The following MSI2 variants were observed in gnomAD, a reference collection of about 807,000 sequenced individuals.
MSI2 encodes the protein RNA-binding protein Musashi homolog 2.
A neutral mutation model predicts 45.6 loss-of-function variants in MSI2; 17 were observed. That is an observed-to-expected ratio of 0.37 (90% CI 0.26 to 0.56). The LOEUF is 0.56. MSI2 is among the 20% of genes least tolerant of loss of function. The probability of loss-of-function intolerance (pLI) is 0.77; values close to 1 mark genes in which losing one functional copy is unlikely to be tolerated. For missense variants in MSI2, 293 were observed against 444.2 expected, an observed-to-expected ratio of 0.66 and a Z score of 3.06; for synonymous variants, 156 against 158.2, an observed-to-expected ratio of 0.99 and a Z score of 0.11.
intron 11 of MSI2, among the ~76,000 whole-genome samples, chr17:57,655,118 A>G (rs1034618929): frequency 6.6e-6 from 1 of 151,936 alleles, no homozygotes; most frequent in African/African-American, 2.4e-5. Flanking sequence ...CCTCTGGGCC[A>G]GCCTGCCCAC....
chr17:57,632,273 C>G, intron 10 of MSI2: 1 of 1,078,890 alleles, frequency 9.3e-7, no homozygotes, highest in South Asian at 4.4e-5. Flanking sequence ...TTGGAGCACC[C>G]GTGTCTTACG....
chr17:57,285,413 G>A (rs999016348), intron 5 of MSI2, among the ~76,000 whole-genome samples: 1 of 152,222 alleles, frequency 6.6e-6, no homozygotes, highest in Non-Finnish European at 1.5e-5. Flanking sequence ...GCTGGGGGCT[G>A]GCTGCTGCTG....
At chr17:57,473,758 G>A (rs2085485346) in intron 6 of MSI2, among the ~76,000 whole-genome samples, 2 of 152,176 alleles carry the variant, frequency 1.3e-5, no homozygotes, top group South Asian at 4.1e-4. Context: ...GTCTGGACAG[G>A]TGCCGAGGGA....
At chr17:57,371,442 C>T (rs1236107331) in intron 5 of MSI2, among the ~76,000 whole-genome samples, 1 of 151,528 alleles carries the variant, frequency 6.6e-6, no homozygotes, top group Non-Finnish European at 1.5e-5. Context: ...CCCAACGCCA[C>T]TATTTACCAT....
chr17:57,677,040 C>T lies in MSI2; in HGVS notation c.*12C>T, dbSNP rs751032564. ...ATGGATACCATTGAGCAGGTGCTTT[C>T]GTTGCCATCTCACTCTGAGGTATTA... On this transcript the variant is annotated 3_prime_UTR_variant, in exon 13 of 14. Coordinates refer to ENST00000284073, the MANE Select transcript of MSI2 (RefSeq NM_138962.4). 62 of 1,613,362 alleles carry T rather than the reference C, an allele frequency of 3.8e-5. No individual in the cohort carries two copies. The highest frequency in any genetic ancestry group is 8.9e-5 in the East Asian group (4 of 44,882).
intron 6 of MSI2, among the ~76,000 whole-genome samples, chr17:57,411,892 A>G (rs931703911): frequency 6.6e-6 from 1 of 151,982 alleles, no homozygotes; most frequent in Non-Finnish European, 1.5e-5. Context: ...TTGTAATCCC[A>G]GCTACTCAGA....
chr17:57,343,945 G>A (rs964316639), intron 5 of MSI2, among the ~76,000 whole-genome samples: 4 of 152,136 alleles, frequency 2.6e-5, no homozygotes, highest in African/African-American at 7.2e-5. Flanking sequence ...TCAGGGTATC[G>A]CATCTGGAGC....
intron 6 of MSI2, among the ~76,000 whole-genome samples, chr17:57,513,799 A>G (rs1322193022): frequency 6.6e-6 from 1 of 152,212 alleles, no homozygotes; most frequent in Non-Finnish European, 1.5e-5. Flanking sequence ...AGATCTACAG[A>G]GACATCTTGA....
chr17:57,437,779 A>G (rs1395308186), intron 6 of MSI2, among the ~76,000 whole-genome samples: 2 of 152,194 alleles, frequency 1.3e-5, no homozygotes, highest in Admixed American at 1.3e-4. Context: ...AACCCAAAAT[A>G]AGTTAGTATC....
At chr17:57,429,390 G>T (rs2084553034) in intron 6 of MSI2, among the ~76,000 whole-genome samples, 2 of 152,164 alleles carry the variant, frequency 1.3e-5, no homozygotes, top group South Asian at 4.1e-4. Flanking sequence ...CCAGACACTG[G>T]GCAAAGGGTG....
chr17:57,461,417 C>T (rs747397660), intron 6 of MSI2, among the ~76,000 whole-genome samples: 3 of 152,054 alleles, frequency 2.0e-5, no homozygotes, highest in East Asian at 1.9e-4. Flanking sequence ...GAGGTAGCCT[C>T]GGCAGAGGGG....
Position 57,431,390 on chromosome 17 carries a change from G to A in MSI2, c.405+29919G>A, listed in dbSNP as rs543845128. On this transcript the variant is annotated intron_variant, in intron 6 of 13. Coordinates refer to ENST00000284073, the MANE Select transcript of MSI2 (RefSeq NM_138962.4). ...AATGTCCTTAGATGTTAAATGGGTC[G>A]CAGGTGAAATGAGCTGTTTGTGTCC... is the stretch of plus-strand genomic sequence containing the variant. Among the ~76,000 whole-genome samples the A allele has an allele frequency of 3.9e-5, 6 of 152,202 alleles. No homozygotes were observed. In the East Asian group the frequency reaches 5.8e-4, roughly 15 times the overall value.
At chr17:57,259,337 G>A (rs903058985) in intron 4 of MSI2, among the ~76,000 whole-genome samples, 1 of 152,142 alleles carries the variant, frequency 6.6e-6, no homozygotes, top group African/African-American at 2.4e-5. Context: ...ACTTCCATCC[G>A]CCTCTTATGA....
intron 6 of MSI2, among the ~76,000 whole-genome samples, chr17:57,486,050 C>T (rs1208516866): frequency 6.6e-6 from 1 of 152,248 alleles, no homozygotes; most frequent in East Asian, 1.9e-4. Flanking sequence ...CCTCAGTCAC[C>T]TCCCAAGGAT....
At chr17:57,658,956 TA>T (rs1380245824) in intron 11 of MSI2, among the ~76,000 whole-genome samples, 1 of 152,148 alleles carries the variant, frequency 6.6e-6, no homozygotes, top group Non-Finnish European at 1.5e-5. Flanking sequence ...AGGAGGCCCC[TA>T]AAGCTGATCA....
intron 7 of MSI2, among the ~76,000 whole-genome samples, chr17:57,586,125 T>A (rs1341984702): frequency 6.6e-6 from 1 of 152,266 alleles, no homozygotes; most frequent in Non-Finnish European, 1.5e-5. Context: ...ACTAATCTGC[T>A]GCCCTGACAA....
At chr17:57,553,046 C>T (rs1259472694) in intron 7 of MSI2, among the ~76,000 whole-genome samples, 1 of 152,176 alleles carries the variant, frequency 6.6e-6, no homozygotes, top group Non-Finnish European at 1.5e-5. Flanking sequence ...AGAATGTTGG[C>T]ACCACTGGGA....
Position 57,616,281 on chromosome 17 carries a change from A to ATGCATG in MSI2, c.652+199_652+200insCATGTG, listed in dbSNP as rs371283117. On this transcript the variant is annotated intron_variant, in intron 9 of 13. Transcript: ENST00000284073. ...AGTGTGGGTGTGTGTGTGTGCATGC[A>ATGCATG]TGTGTGTGTGTGTGTGTGTGTGTTT... The ATGCATG allele has an allele frequency of 4.8e-4, 231 of 480,098 alleles. 2 individuals are homozygous for ATGCATG. Among genetic ancestry groups the ATGCATG allele is most frequent in the African/African-American group, 4.5e-3 (221 of 49,240 alleles). The allele number at this position is 480,098 out of a possible 1,614,324, so 29.7% of individuals were successfully genotyped here.
chr17:57,497,080 C>T (rs1380504701), intron 6 of MSI2, among the ~76,000 whole-genome samples: 1 of 152,174 alleles, frequency 6.6e-6, no homozygotes, highest in East Asian at 1.9e-4. Context: ...CGAGTTCAAG[C>T]GATTCTCCTG....
Sources: gnomAD v4.1 joint callset for allele counts (sites outside exome capture counted in the v4.1 genomes callset) on GRCh38, gnomAD v4.1.1 for gene constraint, MANE v1.5 for transcripts, NCBI Gene and HGNC (gene_info 2026-07-23, HGNC 2026-07-21) for gene names.